Variants in RASSF6 observed in about 807,000 individuals in gnomAD.
RASSF6 encodes the protein Ras association domain family member 6, also known as ras association domain-containing protein 6.
RASSF6 carries 52 observed loss-of-function variants against 44.0 expected under a neutral mutation model. The ratio of observed to expected loss-of-function variants is 1.18; its 90% CI spans 0.95 to 1.49. RASSF6 has a LOEUF of 1.49. RASSF6 is among the 40% of genes most tolerant of loss of function. The probability of loss-of-function intolerance (pLI) is 0.00; values close to 1 mark genes in which losing one functional copy is unlikely to be tolerated. For missense variants in RASSF6, 464 were observed against 393.3 expected (o/e 1.18, Z -1.52); for synonymous variants, 162 against 124.6 (o/e 1.30, Z -2.00).
chr4:73,609,090 G>A (rs561755601), intron 2 of RASSF6, among the ~76,000 whole-genome samples: 6 of 152,298 alleles, frequency 3.9e-5, no homozygotes, highest in African/African-American at 1.2e-4. Flanking sequence ...CTTAGAAGAG[G>A]CATAGACTGC....
chr4:73,603,410 G>A (rs933803085), intron 2 of RASSF6, among the ~76,000 whole-genome samples: 6 of 152,092 alleles, frequency 3.9e-5, no homozygotes, highest in Non-Finnish European at 5.9e-5. Flanking sequence ...ATAAGCCGAT[G>A]AATACCCAGG....
intron 6 of RASSF6, 53 bp downstream of exon 6, chr4:73,585,127 T>C (rs1723973640): frequency 7.7e-7 from 1 of 1,303,026 alleles, no homozygotes. Context: ...GTATTGTTAG[T>C]GAAACAGGGA....
rs898472807 is a variant in RASSF6 at position 73,573,451 on chromosome 4, A to C, written c.*2784T>G. 1 of 152,144 alleles carries C rather than the reference A, an allele frequency of 6.6e-6. No individual in the cohort carries two copies. Among genetic ancestry groups the C allele is most frequent in the Non-Finnish European group, 1.5e-5 (1 of 68,022 alleles). The allele number at this position is 152,144 out of a possible 1,614,324, so 9.4% of individuals were successfully genotyped here. A position where few individuals can be genotyped will look rare whatever the true frequency, so the allele number is the denominator to read the frequency against. On this transcript the variant is annotated 3_prime_UTR_variant, in exon 11 of 11. Transcript: ENST00000307439. ...CCTATTTCCCTCTTTCATCTTTTAA[A>C]ATAATTTTCTGAACATTTAGGCTTT...
intron 2 of RASSF6, among the ~76,000 whole-genome samples, chr4:73,603,093 A>T (rs1332730317): frequency 6.9e-6 from 1 of 145,074 alleles, no homozygotes; most frequent in African/African-American, 2.8e-5. Flanking sequence ...GTCTCAAAAG[A>T]AGAAAGAAAG....
At chr4:73,592,848 A>C (rs1199124245) in intron 4 of RASSF6, among the ~76,000 whole-genome samples, 1 of 152,190 alleles carries the variant, frequency 6.6e-6, no homozygotes, top group African/African-American at 2.4e-5. Context: ...GAAGGAATGC[A>C]GTCTCCAGGA....
intron 1 of RASSF6, among the ~76,000 whole-genome samples, chr4:73,612,474 G>GTTTTC (rs371198321): frequency 0.72 from 93,889 of 131,268 alleles, 31,496 homozygotes; most frequent in Middle Eastern, 0.81. Context: ...AGAGAGTTCA[G>GTTTTC]TTTTCTTTTT....
chr4:73,604,215 A>G (rs1418088752), intron 2 of RASSF6: 1 of 152,128 alleles, frequency 6.6e-6, no homozygotes, highest in Non-Finnish European at 1.5e-5. Flanking sequence ...TAAGAACAAC[A>G]TTTCATCCCA....
rs1247672 is a variant in RASSF6 at position 73,583,458 on chromosome 4, A to G, written c.568-1168T>C. Among the ~76,000 whole-genome samples the G allele has an allele frequency of 2.4e-3, 369 of 152,272 alleles. 3 individuals carry two copies. The highest frequency in any genetic ancestry group is 8.1e-3 in the African/African-American group (337 of 41,576). On this transcript the variant is annotated intron_variant, in intron 6 of 10. Coordinates refer to ENST00000307439, the MANE Select transcript of RASSF6 (RefSeq NM_177532.5). Reference sequence around the variant, plus strand: ...TATTCACCATAACTAATCTCCAGATATGACAATCTAAGCCTTTAATATGTG... The same window carrying G: ...TATTCACCATAACTAATCTCCAGATGTGACAATCTAAGCCTTTAATATGTG...
At chr4:73,613,553 C>T (rs1435185172) in intron 1 of RASSF6, among the ~76,000 whole-genome samples, 3 of 152,146 alleles carry the variant, frequency 2.0e-5, no homozygotes, top group Non-Finnish European at 2.9e-5. Context: ...CTTCCTTCTT[C>T]CTCCTGGGTC....
chr4:73,591,861 T>G (rs1412643071), intron 4 of RASSF6, among the ~76,000 whole-genome samples: 1 of 151,974 alleles, frequency 6.6e-6, no homozygotes, highest in Non-Finnish European at 1.5e-5. Context: ...CTGGGATGAA[T>G]AAAGCAAATA....
chr4:73,615,801 G>T, intron 1 of RASSF6: 5 of 1,031,092 alleles, frequency 4.8e-6, no homozygotes, highest in South Asian at 1.4e-5. Flanking sequence ...AGGCAGTGTT[G>T]GGCAGCATTA....
chr4:73,599,236 G>C (rs1319417009), intron 2 of RASSF6, among the ~76,000 whole-genome samples: 1 of 152,186 alleles, frequency 6.6e-6, no homozygotes, highest in Non-Finnish European at 1.5e-5. Flanking sequence ...TGCCGGGGCT[G>C]TTTAGACTAT....
chr4:73,607,168 CTAATCATATCATCTGCTTTGTTAACATCT>C (rs1725700253), intron 2 of RASSF6, among the ~76,000 whole-genome samples: 1 of 152,226 alleles, frequency 6.6e-6, no homozygotes, highest in African/African-American at 2.4e-5. Flanking sequence ...TAGAATGTAT[CTAATCATATCATCTGCTTTGTTAACATCT>C]TTAAATGTCT....
At chr4:73,611,475 T>G (rs10049835) in intron 2 of RASSF6, among the ~76,000 whole-genome samples, 8,279 of 152,218 alleles carry the variant, frequency 0.054, 747 homozygotes, top group African/African-American at 0.19. Flanking sequence ...CTCTTCAATA[T>G]TATCCCAACT....
chr4:73,602,963 T>A (rs557008595), intron 2 of RASSF6, among the ~76,000 whole-genome samples: 1 of 151,846 alleles, frequency 6.6e-6, no homozygotes, highest in Non-Finnish European at 1.5e-5. Flanking sequence ...TGGCGGGCGC[T>A]TGTAGTCCCA....
rs893988499 is a variant in RASSF6 at position 73,573,150 on chromosome 4, C to T, written c.*3085G>A. The T allele has an allele frequency of 2.7e-5, 4 of 148,772 alleles. No individual in the cohort carries two copies. Among genetic ancestry groups the T allele is most frequent in the African/African-American group, 7.5e-5 (3 of 40,228 alleles). 9.2% of individuals were successfully genotyped at this position (148,772 alleles called of 1,614,324 possible). On this transcript the variant is annotated 3_prime_UTR_variant, in exon 11 of 11. Coordinates refer to ENST00000307439, the MANE Select transcript of RASSF6 (RefSeq NM_177532.5). ...TTCCCTCTTTTTTTTTTTTTAGAGACGGAGTCTTGCTCTGTCGTCCAGGCT... is the reference window on the plus strand; with the variant it reads ...TTCCCTCTTTTTTTTTTTTTAGAGATGGAGTCTTGCTCTGTCGTCCAGGCT...
chr4:73,583,749 T>A (rs576403988), intron 6 of RASSF6, among the ~76,000 whole-genome samples: 1 of 140,998 alleles, frequency 7.1e-6, no homozygotes, highest in East Asian at 2.0e-4. Context: ...CATAAGCTAA[T>A]GTAGACCGAG....
intron 4 of RASSF6, 41 bp downstream of exon 4, chr4:73,593,410 G>T (rs550029115): frequency 1.3e-6 from 2 of 1,569,872 alleles, no homozygotes; most frequent in African/African-American, 2.7e-5. Flanking sequence ...TAGATATGAA[G>T]ATCATCTTCT....
At chr4:73,595,400 T>C (rs138388112) in intron 3 of RASSF6, among the ~76,000 whole-genome samples, 4 of 152,236 alleles carry the variant, frequency 2.6e-5, no homozygotes, top group African/African-American at 9.6e-5. Flanking sequence ...GGTATTGCTA[T>C]GTTGGCCAGG....
Sources: allele counts gnomAD v4.1 joint callset (sites outside exome capture counted in the v4.1 genomes callset), GRCh38; gene constraint gnomAD v4.1.1; transcripts MANE v1.5; gene names NCBI Gene and HGNC (gene_info 2026-07-23, HGNC 2026-07-21).